Variants in DPYD observed in about 807,000 individuals in gnomAD.
The protein encoded by DPYD is dihydropyrimidine dehydrogenase [NADP(+)].
A neutral mutation model predicts 116.2 loss-of-function variants in DPYD; 109 were observed. The ratio of observed to expected loss-of-function variants is 0.94; its 90% CI spans 0.80 to 1.10. The LOEUF is 1.10. DPYD is among the 50% of genes least tolerant of loss of function. The pLI is 0.00. For missense variants in DPYD, 1,302 were observed against 1,254.5 expected (o/e 1.04, Z -0.57); for synonymous variants, 440 against 432.0 (o/e 1.02, Z -0.23).
chr1:97,096,672 G>A (rs1348479013), intron 21 of DPYD, among the ~76,000 whole-genome samples: 4 of 152,082 alleles, frequency 2.6e-5, no homozygotes, highest in Non-Finnish European at 5.9e-5. Context: ...TAAAACGCAC[G>A]AATCAGCAGG....
At chr1:97,654,068 T>C (rs1658751046) in intron 8 of DPYD, among the ~76,000 whole-genome samples, 1 of 152,184 alleles carries the variant, frequency 6.6e-6, no homozygotes, top group South Asian at 2.1e-4. Context: ...CCCCACCTTA[T>C]CTTAGCCAAC....
At chr1:97,129,560 C>T (rs1352288801) in intron 20 of DPYD, among the ~76,000 whole-genome samples, 1 of 152,072 alleles carries the variant, frequency 6.6e-6, no homozygotes, top group Non-Finnish European at 1.5e-5. Context: ...TCATTTTCCT[C>T]TCCCATCTCT....
intron 7 of DPYD, among the ~76,000 whole-genome samples, chr1:97,686,926 C>T (rs1444543363): frequency 6.6e-6 from 1 of 151,980 alleles, no homozygotes; most frequent in Non-Finnish European, 1.5e-5. Context: ...TGTCCAGAAT[C>T]TACAAGGAAC....
intron 2 of DPYD, among the ~76,000 whole-genome samples, chr1:97,881,150 C>T (rs1472446034): frequency 6.6e-6 from 1 of 151,922 alleles, no homozygotes; most frequent in African/African-American, 2.4e-5. Context: ...GTCCTAACCC[C>T]CACTATCTCA....
intron 8 of DPYD, among the ~76,000 whole-genome samples, chr1:97,671,673 G>T (rs940780346): frequency 2.0e-5 from 3 of 150,810 alleles, no homozygotes; most frequent in African/African-American, 7.3e-5. Flanking sequence ...AAACTTTATT[G>T]ATGTTGTATT....
chr1:97,285,683 A>AT (rs113145453), intron 18 of DPYD, among the ~76,000 whole-genome samples: 39,111 of 138,260 alleles, frequency 0.28, 5,418 homozygotes, highest in Non-Finnish European at 0.31. Context: ...TGTTCCTTTA[A>AT]TTTTTTTTTT....
intron 13 of DPYD, among the ~76,000 whole-genome samples, chr1:97,512,192 T>C (rs1647849337): frequency 6.6e-6 from 1 of 151,904 alleles, no homozygotes; most frequent in Admixed American, 6.6e-5. Flanking sequence ...CTATGGGGTA[T>C]AAGGTTGTGT....
At chr1:97,785,600 C>T (rs1666971898) in intron 3 of DPYD, among the ~76,000 whole-genome samples, 1 of 148,526 alleles carries the variant, frequency 6.7e-6, no homozygotes, top group South Asian at 2.2e-4. Context: ...GTTTCAAGCA[C>T]ATCACACACC....
chr1:97,304,461 C>T (rs1215709895), intron 18 of DPYD, among the ~76,000 whole-genome samples: 1 of 151,942 alleles, frequency 6.6e-6, no homozygotes, highest in Non-Finnish European at 1.5e-5. Context: ...AAACTGAATA[C>T]CTCAGCATGG....
At chr1:97,845,204 G>A (rs1315906787) in intron 2 of DPYD, among the ~76,000 whole-genome samples, 1 of 152,214 alleles carries the variant, frequency 6.6e-6, no homozygotes, top group African/African-American at 2.4e-5. Flanking sequence ...GAAGCATGAG[G>A]GCTGGACTGT....
chr1:97,084,958 T>A (rs1252945308), intron 21 of DPYD, among the ~76,000 whole-genome samples: 1 of 152,142 alleles, frequency 6.6e-6, no homozygotes, highest in East Asian at 1.9e-4. Flanking sequence ...ACTAAACCTA[T>A]AATATGGTAG....
At chr1:97,564,215 C>T (rs1044063739) in intron 11 of DPYD, among the ~76,000 whole-genome samples, 9 of 152,014 alleles carry the variant, frequency 5.9e-5, no homozygotes, top group African/African-American at 1.2e-4. Context: ...TATTAAAAAG[C>T]GAACAGGTGG....
intron 20 of DPYD, among the ~76,000 whole-genome samples, chr1:97,182,231 T>C (rs79179827): frequency 0.011 from 1,709 of 152,282 alleles, 33 homozygotes; most frequent in African/African-American, 0.038. Flanking sequence ...TCACAATTTA[T>C]AAAACAGGTG....
intron 1 of DPYD, 105 bp from the exon 2 acceptor site, chr1:97,883,479 CTT>C: frequency 1.1e-6 from 1 of 876,794 alleles, no homozygotes; most frequent in East Asian, 2.7e-5. Flanking sequence ...GTCTCTCTCA[CTT>C]TGTCACCCAG....
intron 2 of DPYD, among the ~76,000 whole-genome samples, chr1:97,873,338 T>A (rs1671750848): frequency 6.6e-6 from 1 of 151,944 alleles, no homozygotes; most frequent in South Asian, 2.1e-4. Context: ...TGTGATGCAA[T>A]AAATTAATTC....
intron 19 of DPYD, among the ~76,000 whole-genome samples, chr1:97,225,547 T>G (rs1343425335): frequency 6.7e-6 from 1 of 149,858 alleles, no homozygotes; most frequent in Non-Finnish European, 1.5e-5. Context: ...GTAAAAAATT[T>G]TGAAATCAGG....
chr1:97,524,047 T>A (rs1648879078), intron 12 of DPYD, among the ~76,000 whole-genome samples: 1 of 152,050 alleles, frequency 6.6e-6, no homozygotes, highest in Non-Finnish European at 1.5e-5. Flanking sequence ...GTAAGCCTCT[T>A]GACAGAAGAT....
At position 97,452,913 on chromosome 1, in the gene DPYD, T is replaced by C. The variant is rs556847796; in HGVS notation, c.1741-2690A>G. Among the ~76,000 whole-genome samples, 5 of 152,228 alleles carry C rather than the reference T, an allele frequency of 3.3e-5. No individual in the cohort carries two copies. In the East Asian group the frequency reaches 9.6e-4, roughly 29 times the overall value. On this transcript the variant is annotated intron_variant, in intron 13 of 22. Transcript: ENST00000370192. ...TTCATAAATTTCCCAGGCTCAGGTA[T>C]GTCTTTATAGCAAAAACGGGCCTTT...
chr1:97,729,972 C>T lies in DPYD; in HGVS notation c.322-8301G>A, dbSNP rs544824786. ...ATCAAAACCCATTCTTTTCAGGTAA[C>T]ATTTCTTTTAAAGACCTTTATCAAT... On this transcript the variant is annotated intron_variant, in intron 4 of 22. Coordinates refer to ENST00000370192, the MANE Select transcript of DPYD (RefSeq NM_000110.4). Among the ~76,000 whole-genome samples, 27 of 152,220 alleles carry T rather than the reference C, an allele frequency of 1.8e-4. No individual in the cohort carries two copies. The South Asian group carries it at 5.2e-3, about 29-fold the overall frequency.
Sources: allele counts gnomAD v4.1 joint callset (sites outside exome capture counted in the v4.1 genomes callset), GRCh38; gene constraint gnomAD v4.1.1; transcripts MANE v1.5; gene names NCBI Gene and HGNC (gene_info 2026-07-23, HGNC 2026-07-21).